The following IL1RAPL1 variants were observed in gnomAD, a reference collection of about 807,000 sequenced individuals.
IL1RAPL1 encodes interleukin-1 receptor accessory protein-like 1.
In IL1RAPL1, 3 loss-of-function variants were observed where a neutral mutation model predicts 48.4. That is an observed-to-expected ratio of 0.06 (90% CI 0.03 to 0.16). The LOEUF is 0.16. IL1RAPL1 is among the 10% of genes least tolerant of loss of function. The pLI is 1.00. For synonymous variants in IL1RAPL1, 185 were observed against 187.7 expected, an observed-to-expected ratio of 0.99 and a Z score of 0.12; for missense variants, 349 against 530.6, an observed-to-expected ratio of 0.66 and a Z score of 3.36.
At chrX:29,456,269 G>A (rs1380177930) in intron 5 of IL1RAPL1, among the ~76,000 whole-genome samples, 2 of 112,011 alleles carry the variant, frequency 1.8e-5, no homozygotes, top group African/African-American at 3.2e-5. Flanking sequence ...AAATGAAAGA[G>A]GTAAAGAGTA....
intron 2 of IL1RAPL1, among the ~76,000 whole-genome samples, chrX:28,907,798 A>G: frequency 8.9e-6 from 1 of 112,225 alleles, no homozygotes; most frequent in South Asian, 3.7e-4. Context: ...TGTTTTATGA[A>G]ATATATTGGA....
intron 6 of IL1RAPL1, among the ~76,000 whole-genome samples, chrX:29,824,747 G>A (rs1569179916): frequency 8.9e-6 from 1 of 111,766 alleles, no homozygotes; most frequent in Non-Finnish European, 1.9e-5. Context: ...TAGAAAGGAT[G>A]TTTGAATCAC....
At chrX:28,590,829 G>T (rs758726860) in intron 1 of IL1RAPL1, among the ~76,000 whole-genome samples, 2 of 112,157 alleles carry the variant, frequency 1.8e-5, no homozygotes, top group Admixed American at 9.5e-5. Flanking sequence ...GATGGAAAAA[G>T]ATTCTGTACA....
At chrX:28,933,496 T>A (rs1270687052) in intron 2 of IL1RAPL1, among the ~76,000 whole-genome samples, 1 of 111,790 alleles carries the variant, frequency 8.9e-6, no homozygotes, top group African/African-American at 3.3e-5. Context: ...CAAATAGAGT[T>A]CCACAGTAAT....
At chrX:28,998,878 C>T (rs1157874834) in intron 2 of IL1RAPL1, among the ~76,000 whole-genome samples, 7 of 111,787 alleles carry the variant, frequency 6.3e-5, no homozygotes. Context: ...TAAACTAGGG[C>T]CTGAACTTAT....
rs1390545944 is a variant in IL1RAPL1 at position 29,478,811 on chromosome X, A to C, written c.703+79503A>C. Reference sequence around the variant, plus strand: ...TTTCTCTTAGAGCTCCATGCAGTTCACATCACTGCCTCCCCGTCTCAGGTC... The same window carrying C: ...TTTCTCTTAGAGCTCCATGCAGTTCCCATCACTGCCTCCCCGTCTCAGGTC... On this transcript the variant is annotated intron_variant, in intron 5 of 10. Transcript: ENST00000378993. Among the ~76,000 whole-genome samples, 7 of 110,092 alleles carry C rather than the reference A, an allele frequency of 6.4e-5. No homozygotes were observed. In the South Asian group the frequency reaches 2.7e-3, roughly 43 times the overall value.
rs994149233 is a variant in IL1RAPL1, at chrX:29,885,835, A to G, written c.779-31629A>G. Reference sequence around the variant, plus strand: ...CCCTGTCTCAAAAAAACGCATATGTAATCATTGAAGAAAATTAAATTATAA... The same window carrying G: ...CCCTGTCTCAAAAAAACGCATATGTGATCATTGAAGAAAATTAAATTATAA... On this transcript the variant is annotated intron_variant, in intron 6 of 10. Transcript: ENST00000378993. Among the ~76,000 whole-genome samples the G allele has an allele frequency of 1.6e-4, 18 of 111,517 alleles. No homozygotes were observed. The Admixed American group carries it at 1.6e-3, about 10-fold the overall frequency.
chrX:28,634,294 G>A (rs942880151), intron 1 of IL1RAPL1, among the ~76,000 whole-genome samples: 2 of 109,102 alleles, frequency 1.8e-5, no homozygotes, highest in African/African-American at 6.7e-5. Context: ...GAGCCACCAC[G>A]CCAGGTCTGG....
At chrX:28,849,547 A>T (rs181885707) in intron 2 of IL1RAPL1, among the ~76,000 whole-genome samples, 2 of 112,294 alleles carry the variant, frequency 1.8e-5, no homozygotes, top group South Asian at 3.7e-4. Context: ...AGTGACATTT[A>T]AAAAGCATAT....
intron 2 of IL1RAPL1, among the ~76,000 whole-genome samples, chrX:28,959,257 C>T (rs1924703438): frequency 9.0e-6 from 1 of 111,731 alleles, no homozygotes. Context: ...GCTCTTTTTA[C>T]ATGCAAGGAA....
At chrX:29,434,284 C>T (rs886778933) in intron 5 of IL1RAPL1, among the ~76,000 whole-genome samples, 1 of 109,810 alleles carries the variant, frequency 9.1e-6, no homozygotes, top group African/African-American at 3.3e-5. Context: ...TTTCTTTCAT[C>T]TTTATCTCTT....
intron 1 of IL1RAPL1, among the ~76,000 whole-genome samples, chrX:28,688,413 C>T (rs1431098516): frequency 9.0e-6 from 1 of 110,811 alleles, no homozygotes; most frequent in Non-Finnish European, 1.9e-5. Context: ...CCCTATGTTG[C>T]CCAGGCTAGT....
intron 5 of IL1RAPL1, among the ~76,000 whole-genome samples, chrX:29,455,211 C>G (rs760962853): frequency 9.0e-6 from 1 of 111,152 alleles, no homozygotes; most frequent in East Asian, 2.8e-4. Flanking sequence ...GCACATGTAT[C>G]CTGGAACTTA....
chrX:28,709,502 G>C (rs1202514000), intron 1 of IL1RAPL1, among the ~76,000 whole-genome samples: 1 of 110,891 alleles, frequency 9.0e-6, no homozygotes, highest in Non-Finnish European at 1.9e-5. Context: ...TGAAAGAAGA[G>C]AATTGCCAGT....
chrX:29,431,113 T>G (rs1282225387), intron 5 of IL1RAPL1, among the ~76,000 whole-genome samples: 2 of 111,681 alleles, frequency 1.8e-5, no homozygotes, highest in African/African-American at 6.5e-5. Flanking sequence ...TTCTGCTGCC[T>G]TCAAGATTAC....
At chrX:28,896,550 T>G (rs1296978700) in intron 2 of IL1RAPL1, among the ~76,000 whole-genome samples, 2 of 110,907 alleles carry the variant, frequency 1.8e-5, no homozygotes, top group African/African-American at 6.6e-5. Flanking sequence ...GGGCAGGTGG[T>G]GGAGGGCTAG....
chrX:29,402,611 T>TA (rs1372947824), intron 5 of IL1RAPL1, among the ~76,000 whole-genome samples: 1 of 111,427 alleles, frequency 9.0e-6, no homozygotes, highest in Admixed American at 9.6e-5. Flanking sequence ...GTATATTCGT[T>TA]ATAGTTAATG....
At chrX:29,879,079 C>T (rs1490651026) in intron 6 of IL1RAPL1, among the ~76,000 whole-genome samples, 2 of 111,467 alleles carry the variant, frequency 1.8e-5, no homozygotes, top group African/African-American at 6.5e-5. Flanking sequence ...CAGCAGTAAA[C>T]ACCAAAGCAG....
intron 5 of IL1RAPL1, among the ~76,000 whole-genome samples, chrX:29,405,394 T>A (rs1440677180): frequency 1.1e-5 from 1 of 94,533 alleles, no homozygotes; most frequent in African/African-American, 5.4e-5. Flanking sequence ...TGAGACAGAG[T>A]CTCGCTCTGT....
Sources: allele counts gnomAD v4.1 joint callset (sites outside exome capture counted in the v4.1 genomes callset), GRCh38; gene constraint gnomAD v4.1.1; transcripts MANE v1.5; gene names NCBI Gene and HGNC (gene_info 2026-07-23, HGNC 2026-07-21).